RHOT1: variants seen among roughly 807,000 people sequenced by gnomAD.
The protein encoded by RHOT1 is mitochondrial Rho GTPase 1.
Under a neutral mutation model 95.3 loss-of-function variants are expected in RHOT1, and 27 were observed. The observed-to-expected ratio is 0.28, with a 90% CI of 0.21 to 0.39. The LOEUF is 0.39. Among genes scored for constraint, RHOT1 ranks in the 10% least tolerant of loss-of-function variants. The probability of loss-of-function intolerance (pLI) is 1.00; values close to 1 mark genes in which losing one functional copy is unlikely to be tolerated. For missense variants in RHOT1, 578 were observed against 786.7 expected (o/e 0.73, Z 3.17); for synonymous variants, 227 against 263.5 (o/e 0.86, Z 1.34).
At chr17:32,150,550 A>G in intron 1 of RHOT1, 1 of 1,549,232 alleles carries the variant, frequency 6.5e-7, no homozygotes, top group Non-Finnish European at 8.9e-7. Context: ...AGATAGGCCT[A>G]CAGCTAGACC....
At chr17:32,192,334 T>C in intron 9 of RHOT1, 35 bp downstream of exon 9, 1 of 199,276 alleles carries the variant, frequency 5.0e-6, no homozygotes, top group Non-Finnish European at 8.4e-6. Context: ...TTGCGTATCT[T>C]TTTTTTTTTT....
At chr17:32,189,695 A>G (rs2036326064) in intron 8 of RHOT1, among the ~76,000 whole-genome samples, 1 of 151,040 alleles carries the variant, frequency 6.6e-6, no homozygotes, top group African/African-American at 2.4e-5. Context: ...CTATAACGGA[A>G]TCTTTTATTT....
chr17:32,149,752 CAT>C (rs988490436), intron 1 of RHOT1, among the ~76,000 whole-genome samples: 42 of 143,172 alleles, frequency 2.9e-4, no homozygotes, highest in African/African-American at 1.1e-3. Flanking sequence ...CACACACACA[CAT>C]ATATATATAG....
chr17:32,182,061 T>C (rs1451514917), intron 6 of RHOT1, among the ~76,000 whole-genome samples: 2 of 152,192 alleles, frequency 1.3e-5, no homozygotes, highest in East Asian at 3.9e-4. Flanking sequence ...CACCTTTACA[T>C]AGGGAGTTTT....
At chr17:32,155,630 C>T (rs1470153653) in intron 1 of RHOT1, among the ~76,000 whole-genome samples, 1 of 151,842 alleles carries the variant, frequency 6.6e-6, no homozygotes, top group Non-Finnish European at 1.5e-5. Flanking sequence ...GCAGCTTCGA[C>T]TTCCCAGGCT....
rs1482086929 is a variant in RHOT1, at chr17:32,200,962, G to A, written c.1107G>A (p.Thr369=). ...AAACTCTTTTCTTTCATAGGCTCAC[G>A]ACTTATTTAGATGTACAGCGGTGCC... The part of the protein sequence containing the change: ...YQGFLSQWTL[T]TYLDVQRCLE... Residue 369 remains threonine (T), a synonymous_variant, in exon 14 of 20, where the codon ACG becomes ACA. Transcript: ENST00000545287. The A allele has an allele frequency of 1.7e-5, 27 of 1,608,038 alleles. No homozygotes were observed. The highest frequency in any genetic ancestry group is 2.2e-5 in the East Asian group (1 of 44,782).
chr17:32,198,403 G>A (rs1269914620), intron 11 of RHOT1, among the ~76,000 whole-genome samples: 1 of 152,082 alleles, frequency 6.6e-6, no homozygotes, highest in Non-Finnish European at 1.5e-5. Flanking sequence ...ATATTAACCT[G>A]CTTTTCTGAT....
intron 7 of RHOT1, 85 bp from the exon 8 acceptor site, chr17:32,183,086 T>TC: frequency 8.5e-7 from 1 of 1,177,608 alleles, no homozygotes; most frequent in Middle Eastern, 2.5e-4. Flanking sequence ...TTTCAAGGAA[T>TC]CTTTTTTTTG....
chr17:32,168,409 A>AG (rs1470708203), intron 1 of RHOT1, among the ~76,000 whole-genome samples: 1 of 152,034 alleles, frequency 6.6e-6, no homozygotes, highest in African/African-American at 2.4e-5. Flanking sequence ...AGCTGGGACT[A>AG]CAAGTGTGTG....
intron 16 of RHOT1, among the ~76,000 whole-genome samples, chr17:32,206,490 C>T (rs1239631156): frequency 2.7e-5 from 3 of 113,096 alleles, no homozygotes; most frequent in African/African-American, 3.5e-5. Context: ...CTTGCTCTGT[C>T]GCCCAGGCTG....
In RHOT1 at chr17:32,142,695, GAAGA is replaced by G. The variant is rs1304205511; in HGVS notation, c.8_11del (p.Lys3ThrfsTer17). ...GCCGGCCCCCGAGAGCCGCCGACAT[GAAGA>G]AAGACGTGCGGATCCTGCTGGTGGG... On this transcript the variant is annotated frameshift_variant, in exon 1 of 20. Transcript: ENST00000545287. LOFTEE classifies it high-confidence loss of function. 1 of 1,531,158 alleles carries G rather than the reference GAAGA, an allele frequency of 6.5e-7. No individual in the cohort carries two copies. The highest frequency in any genetic ancestry group is 8.8e-7 in the Non-Finnish European group (1 of 1,139,874). 94.8% of individuals were successfully genotyped at this position (1,531,158 alleles called of 1,614,324 possible).
chr17:32,156,777 G>A (rs889701012), intron 1 of RHOT1, among the ~76,000 whole-genome samples: 4 of 152,238 alleles, frequency 2.6e-5, no homozygotes, highest in Non-Finnish European at 4.4e-5. Flanking sequence ...GGCAAAAGCC[G>A]GTTCCTGAAT....
chr17:32,171,699 T>C (rs1215165184), intron 2 of RHOT1, among the ~76,000 whole-genome samples: 1 of 152,240 alleles, frequency 6.6e-6, no homozygotes, highest in Non-Finnish European at 1.5e-5. Context: ...GAATCCCTAC[T>C]TGCCTTCTGC....
rs73284172 is a variant in RHOT1 at position 32,143,231 on chromosome 17, A to G, written c.37+502A>G. 1,874 of 384,672 alleles carry G rather than the reference A, an allele frequency of 4.9e-3. 35 individuals carry two copies. Among genetic ancestry groups the G allele is most frequent in the African/African-American group, 0.036 (1,692 of 47,418 alleles). The allele number at this position is 384,672 out of a possible 1,614,324, so 23.8% of individuals were successfully genotyped here. A position where few individuals can be genotyped will look rare whatever the true frequency, so the allele number is the denominator to read the frequency against. On this transcript the variant is annotated intron_variant, in intron 1 of 19. Transcript: ENST00000545287. ...GAAGCTGGGGGAGGGGTGCAGAACT[A>G]TTCGACTTGTGGGCAAGGTCAGGTT...
At chr17:32,145,534 G>T (rs976335026) in intron 1 of RHOT1, among the ~76,000 whole-genome samples, 2 of 152,152 alleles carry the variant, frequency 1.3e-5, no homozygotes, top group African/African-American at 4.8e-5. Flanking sequence ...CTTTGGCCTT[G>T]ACTTTTGCAA....
intron 1 of RHOT1, among the ~76,000 whole-genome samples, chr17:32,145,108 T>C (rs545988275): frequency 1.3e-5 from 2 of 152,150 alleles, no homozygotes; most frequent in Admixed American, 6.6e-5. Flanking sequence ...ACCAGGAAAC[T>C]GACCAACATG....
chr17:32,171,074 T>G lies in RHOT1; in HGVS notation c.69T>G (p.Ser23=), dbSNP rs1237850869. ...PRVGKTSLIM[S]LVSEEFPEEV... ...TTGGGAAGACATCACTGATTATGTC[T>G]CTGGTCAGTGAAGAATTTCCAGAAG... Residue 23 remains serine (S), a synonymous_variant, in exon 2 of 20, where the codon TCT becomes TCG. Transcript: ENST00000545287. 3 of 1,604,808 alleles carry G rather than the reference T, an allele frequency of 1.9e-6. No individual in the cohort carries two copies. The Admixed American group carries it at 5.1e-5, about 27-fold the overall frequency.
chr17:32,148,984 G>A (rs1217632401), intron 1 of RHOT1, among the ~76,000 whole-genome samples: 1 of 152,216 alleles, frequency 6.6e-6, no homozygotes, highest in African/African-American at 2.4e-5. Flanking sequence ...CTGCTTAGAA[G>A]CATGGAGTCT....
intron 1 of RHOT1, among the ~76,000 whole-genome samples, chr17:32,158,103 G>C (rs2033146975): frequency 6.6e-6 from 1 of 152,152 alleles, no homozygotes; most frequent in African/African-American, 2.4e-5. Flanking sequence ...TGATCTGCCT[G>C]CCTCAGCCTC....
Sources: allele counts gnomAD v4.1 joint callset (sites outside exome capture counted in the v4.1 genomes callset), GRCh38; gene constraint gnomAD v4.1.1; transcripts MANE v1.5; gene names NCBI Gene and HGNC (gene_info 2026-07-23, HGNC 2026-07-21).